Variants in DIPK2B observed in about 807,000 individuals in gnomAD.
DIPK2B encodes divergent protein kinase domain 2B, also known as UPF0672 protein CXorf36.
A neutral mutation model predicts 22.2 loss-of-function variants in DIPK2B; 15 were observed. That is an observed-to-expected ratio of 0.68 (90% CI 0.45 to 1.04). DIPK2B has a LOEUF of 1.04. DIPK2B is among the 50% of genes least tolerant of loss of function. DIPK2B has a pLI of 0.00. For synonymous variants in DIPK2B, 163 were observed against 153.2 expected, an observed-to-expected ratio of 1.06 and a Z score of -0.47; for missense variants, 345 against 348.3, an observed-to-expected ratio of 0.99 and a Z score of 0.08.
intron 2 of DIPK2B, among the ~76,000 whole-genome samples, chrX:45,160,559 A>G (rs563962533): frequency 1.8e-5 from 2 of 111,832 alleles, no homozygotes; most frequent in African/African-American, 6.5e-5. Context: ...ATTTCTTGAA[A>G]GATAGTGAGG....
chrX:45,168,103 G>A lies in DIPK2B; in HGVS notation c.499-10215C>T, dbSNP rs539976603. The stretch of plus-strand genomic sequence containing the variant: ...TAGCTCACTGTCCCAGGTACTGAAG[G>A]AGGGAGGAAAATCTAAGTAGATAGC... On this transcript the variant is annotated intron_variant, in intron 2 of 4. Coordinates refer to ENST00000398000, the MANE Select transcript of DIPK2B (RefSeq NM_176819.4). 2.1e-3 allele frequency among the ~76,000 whole-genome samples: 242 copies of A among 112,844 alleles called. 1 individual carries two copies. The highest frequency in any genetic ancestry group is 7.4e-3 in the African/African-American group (230 of 31,096).
At chrX:45,190,776 A>G (rs1219308321) in intron 2 of DIPK2B, among the ~76,000 whole-genome samples, 2 of 112,433 alleles carry the variant, frequency 1.8e-5, no homozygotes, top group East Asian at 5.6e-4. Flanking sequence ...AGTAGGTGAC[A>G]CAAGATGTAC....
intron 4 of DIPK2B, 82 bp from the exon 5 acceptor site, chrX:45,152,074 G>A: frequency 1.1e-6 from 1 of 947,258 alleles, no homozygotes; most frequent in Non-Finnish European, 1.4e-6. Flanking sequence ...ATTCCTGGGT[G>A]GGGCCGGGCG....
chrX:45,197,716 AG>A (rs2047246988), intron 1 of DIPK2B, among the ~76,000 whole-genome samples: 1 of 112,196 alleles, frequency 8.9e-6, no homozygotes, highest in Non-Finnish European at 1.9e-5. Context: ...ACTAAAAAAA[AG>A]TACTAAATAT....
At chrX:45,174,303 A>C (rs2047104286) in intron 2 of DIPK2B, among the ~76,000 whole-genome samples, 1 of 112,039 alleles carries the variant, frequency 8.9e-6, no homozygotes, top group South Asian at 3.7e-4. Context: ...AAAGTTTATT[A>C]GTGCTCTACT....
intron 2 of DIPK2B, among the ~76,000 whole-genome samples, chrX:45,190,446 G>A (rs2047204746): frequency 9.0e-6 from 1 of 111,464 alleles, no homozygotes; most frequent in South Asian, 3.8e-4. Context: ...AGTCAGTAGT[G>A]TGTCCTTTGT....
intron 2 of DIPK2B, among the ~76,000 whole-genome samples, chrX:45,183,924 AC>A (rs1309265194): frequency 8.9e-6 from 1 of 111,964 alleles, no homozygotes; most frequent in African/African-American, 3.3e-5. Context: ...GTTCATCAAA[AC>A]TGAGAATAAT....
chrX:45,181,900 A>G (rs913421623), intron 2 of DIPK2B, among the ~76,000 whole-genome samples: 13 of 111,205 alleles, frequency 1.2e-4, no homozygotes, highest in African/African-American at 2.9e-4. Context: ...TGGACAATAC[A>G]GTGAGACCCT....
rs1348902329 is a variant in DIPK2B at position 45,152,005 on chromosome X, T to C, written c.962-13A>G. 4 of 1,147,304 alleles carry C rather than the reference T, an allele frequency of 3.5e-6. No homozygotes were observed. The Admixed American group carries it at 7.9e-5, about 23-fold the overall frequency. The allele number at this position is 1,147,304 out of a possible 1,213,427, so 94.6% of individuals were successfully genotyped here. On this transcript the variant is annotated splice_polypyrimidine_tract_variant and intron_variant, in intron 4 of 4. Transcript: ENST00000398000. Reference sequence around the variant, plus strand: ...GCTTCTTGGCTGCCTAGAAAAGAAATGGGAAGTATTACACACCCTGCCACC... The same window carrying C: ...GCTTCTTGGCTGCCTAGAAAAGAAACGGGAAGTATTACACACCCTGCCACC...
Position 45,200,772 on chromosome X carries a change from G to GGGCC in DIPK2B, c.51_54dup (p.Leu19GlyfsTer41). The GGGCC allele has an allele frequency of 8.3e-7, 1 of 1,209,134 alleles. No homozygotes were observed. Among genetic ancestry groups the GGGCC allele is most frequent in the Middle Eastern group, 2.3e-4 (1 of 4,259 alleles). ...CTCAGGGCTGAGACCCACAGCAGCA[G>GGGCC]GGCCAGCCAGCCAGGGCGGAGGGCG... On this transcript the variant is annotated frameshift_variant, in exon 1 of 5. Transcript: ENST00000398000. LOFTEE classifies it high-confidence loss of function.
chrX:45,175,116 A>G (rs539952348), intron 2 of DIPK2B, among the ~76,000 whole-genome samples: 2 of 111,807 alleles, frequency 1.8e-5, no homozygotes, highest in East Asian at 5.6e-4. Flanking sequence ...AGAATATCTT[A>G]GAGGGTTTGA....
At chrX:45,192,259 G>A (rs1007740056) in intron 1 of DIPK2B, among the ~76,000 whole-genome samples, 1 of 111,944 alleles carries the variant, frequency 8.9e-6, no homozygotes, top group African/African-American at 3.3e-5. Context: ...CATACAACTG[G>A]CACAGAAAGA....
At chrX:45,193,410 A>G (rs2047222407) in intron 1 of DIPK2B, among the ~76,000 whole-genome samples, 2 of 111,838 alleles carry the variant, frequency 1.8e-5, no homozygotes, top group South Asian at 7.5e-4. Context: ...TTTTGATTAG[A>G]CCCAAACCCT....
chrX:45,193,556 A>C (rs1021275667), intron 1 of DIPK2B, among the ~76,000 whole-genome samples: 2 of 111,907 alleles, frequency 1.8e-5, no homozygotes, highest in African/African-American at 6.5e-5. Context: ...CTGTCCAGGA[A>C]ACTGGACAGC....
intron 1 of DIPK2B, among the ~76,000 whole-genome samples, chrX:45,197,968 A>G (rs1262017872): frequency 8.9e-6 from 1 of 112,506 alleles, no homozygotes; most frequent in African/African-American, 3.2e-5. Context: ...ATTATAGTTA[A>G]ATAATTAAAT....
At chrX:45,192,101 C>G (rs1351699631) in intron 1 of DIPK2B, 86 bp from the exon 2 acceptor site, 1 of 922,211 alleles carries the variant, frequency 1.1e-6, no homozygotes, top group African/African-American at 2.0e-5. Context: ...GACAATAGCC[C>G]AACTGATCCA....
chrX:45,154,295 C>CA, intron 3 of DIPK2B, 97 bp from the exon 4 acceptor site: 2 of 615,175 alleles, frequency 3.3e-6, no homozygotes, highest in African/African-American at 2.5e-5. Flanking sequence ...ATCTATCTAT[C>CA]TATCTATCTA....
intron 4 of DIPK2B, 94 bp downstream of exon 4, chrX:45,153,816 A>T (rs113373165): frequency 0.053 from 38,244 of 719,593 alleles, 867 homozygotes; most frequent in Non-Finnish European, 0.066. Flanking sequence ...GAGATGGGAA[A>T]GGCCCAATAG....
chrX:45,198,825 T>A (rs1390332825), intron 1 of DIPK2B, among the ~76,000 whole-genome samples: 2 of 111,731 alleles, frequency 1.8e-5, no homozygotes, highest in Admixed American at 9.5e-5. Context: ...ACATCCAACA[T>A]CTGCATATTT....
Sources: allele counts gnomAD v4.1 joint callset (sites outside exome capture counted in the v4.1 genomes callset), GRCh38; gene constraint gnomAD v4.1.1; transcripts MANE v1.5; gene names NCBI Gene and HGNC (gene_info 2026-07-23, HGNC 2026-07-21).